Variants in GLIS2 observed in about 807,000 individuals in gnomAD.
GLIS2 encodes zinc finger protein GLIS2.
In GLIS2, 14 loss-of-function variants were observed where a neutral mutation model predicts 35.6. The observed-to-expected ratio is 0.39, with a 90% CI of 0.26 to 0.61. The LOEUF is 0.61. Among genes scored for constraint, GLIS2 ranks in the 20% least tolerant of loss-of-function variants. The pLI is 0.48. For synonymous variants in GLIS2, 368 were observed against 325.1 expected, an observed-to-expected ratio of 1.13 and a Z score of -1.42; for missense variants, 675 against 713.4, an observed-to-expected ratio of 0.95 and a Z score of 0.61.
At position 4,337,417 on chromosome 16, in the gene GLIS2, C is replaced by T. The variant is rs764396667; in HGVS notation, c.1468C>T (p.Leu490=). 1.0e-5 allele frequency: 16 copies of T among 1,587,276 alleles called. No homozygotes were observed. The highest frequency in any genetic ancestry group is 1.3e-5 in the African/African-American group (1 of 74,446). Residue 490 remains leucine, a synonymous_variant, in exon 7 of 7, where the codon CTG becomes TTG. Coordinates refer to ENST00000433375, the MANE Select transcript of GLIS2 (RefSeq NM_032575.3). Reference sequence around the variant, plus strand: ...CCTGCTGCCAGGCACCGTGCTGGACCTGTCCACGGGCGTCAACTCAGCTGC... The same window carrying T: ...CCTGCTGCCAGGCACCGTGCTGGACTTGTCCACGGGCGTCAACTCAGCTGC... ...LPLLPGTVLD[L]STGVNSAASS... is the part of the protein sequence containing the mutation.
At chr16:4,316,299 CGG>C (rs1293109635) in intron 1 of GLIS2, among the ~76,000 whole-genome samples, 45 bp downstream of exon 1, 955 of 53,016 alleles carry the variant, frequency 0.018, 32 homozygotes, top group African/African-American at 0.048. Flanking sequence ...CGGGCCGGGG[CGG>C]GGGGGGGGGG....
intron 1 of GLIS2, among the ~76,000 whole-genome samples, chr16:4,328,673 G>A (rs970467283): frequency 6.6e-6 from 1 of 152,214 alleles, no homozygotes; most frequent in East Asian, 1.9e-4. Context: ...AAGTGTGTGG[G>A]GGTGCCCCTG....
rs764396971 is a variant in GLIS2 at position 4,335,214 on chromosome 16, G to A, written c.656+21G>A. The A allele has an allele frequency of 2.5e-6, 4 of 1,613,622 alleles. No homozygotes were observed. The highest frequency in any genetic ancestry group is 3.4e-6 in the Non-Finnish European group (4 of 1,180,024). On this transcript the variant is annotated intron_variant, in intron 5 of 6. Transcript: ENST00000433375. The surrounding 1 kb of genome is among the most constrained non-coding windows in gnomAD (Gnocchi z 4.6). ...GCCAGGTGAGGTGGGGGAGAGAGGG[G>A]TAGAGGGAGGACTGGGGTCTCCAGT...
intron 1 of GLIS2, among the ~76,000 whole-genome samples, chr16:4,322,694 G>T (rs979622926): frequency 6.6e-6 from 1 of 151,992 alleles, no homozygotes; most frequent in African/African-American, 2.4e-5. Flanking sequence ...ATCTAGCAGG[G>T]CCTGGCGTTG....
In GLIS2 at chr16:4,327,047, C is replaced by T. The variant is rs547343573; in HGVS notation, c.-66-5168C>T. Among the ~76,000 whole-genome samples the T allele has an allele frequency of 3.3e-5, 5 of 152,280 alleles. No individual in the cohort carries two copies. The East Asian group carries it at 9.7e-4, about 29-fold the overall frequency. ...TGCTGGGATTACAGGCATGAGCCAC[C>T]GTGCCCGGCCACCGGCTGATTTTTT... On this transcript the variant is annotated intron_variant, in intron 1 of 6. Coordinates refer to ENST00000433375, the MANE Select transcript of GLIS2 (RefSeq NM_032575.3).
intron 1 of GLIS2, among the ~76,000 whole-genome samples, chr16:4,321,266 C>T (rs1392760295): frequency 1.3e-5 from 2 of 152,170 alleles, no homozygotes; most frequent in African/African-American, 4.8e-5. Context: ...TTGTCCAGCT[C>T]TGTTCCTGGG....
chr16:4,333,677 C>A (rs1468055804), intron 3 of GLIS2, among the ~76,000 whole-genome samples, 158 bp downstream of exon 3: 1 of 152,200 alleles, frequency 6.6e-6, no homozygotes, highest in Non-Finnish European at 1.5e-5. Context: ...GGAGAACCTT[C>A]CCTGCCTCTC....
chr16:4,322,612 G>A (rs1485490485), intron 1 of GLIS2, among the ~76,000 whole-genome samples: 1 of 149,812 alleles, frequency 6.7e-6, no homozygotes, highest in Non-Finnish European at 1.5e-5. Context: ...CCAACCCCCT[G>A]CAGGAGCAGC....
chr16:4,332,214 G>C lies in GLIS2; in HGVS notation c.-66-1G>C, dbSNP rs544086113. The C allele has an allele frequency of 9.6e-6, 15 of 1,568,938 alleles. 1 individual carries two copies. The African/African-American group carries it at 1.8e-4, about 18-fold the overall frequency. On this transcript the variant is annotated splice_acceptor_variant, in intron 1 of 6. Transcript: ENST00000433375. LOFTEE classifies it low-confidence loss of function (5UTR_SPLICE). The surrounding 1 kb of genome is among the most constrained non-coding windows in gnomAD (Gnocchi z 5.4). The stretch of plus-strand genomic sequence containing the variant: ...ACAGCACAGCTCCTGTCCTTCCCCA[G>C]GTTCCTGCGTGAAGACCAGCTGGGA...
At chr16:4,316,541 G>A (rs1012732510) in intron 1 of GLIS2, among the ~76,000 whole-genome samples, 2 of 151,896 alleles carry the variant, frequency 1.3e-5, no homozygotes, top group Non-Finnish European at 2.9e-5. Context: ...CCGGGCCCGG[G>A]GCGGGCGCAA....
rs1417586117 is a variant in GLIS2 at position 4,333,338 on chromosome 16, C to T, written c.173-9C>T. 1.2e-6 allele frequency: 2 copies of T among 1,612,890 alleles called. No individual in the cohort carries two copies. Among genetic ancestry groups the T allele is most frequent in the African/African-American group, 2.7e-5 (2 of 75,054 alleles). ...CTCCAGCACACCCTGAACTGTGCCTCTCCCTCAGGCTTCCTGCTGAACTCC... is the reference window on the plus strand; with the variant it reads ...CTCCAGCACACCCTGAACTGTGCCTTTCCCTCAGGCTTCCTGCTGAACTCC... On this transcript the variant is annotated splice_polypyrimidine_tract_variant and intron_variant, in intron 2 of 6. Coordinates refer to ENST00000433375, the MANE Select transcript of GLIS2 (RefSeq NM_032575.3).
At chr16:4,319,834 G>C (rs2053357899) in intron 1 of GLIS2, among the ~76,000 whole-genome samples, 1 of 152,152 alleles carries the variant, frequency 6.6e-6, no homozygotes, top group Admixed American at 6.5e-5. Context: ...CCCTGGGTGA[G>C]GCTGGGCAGG....
intron 1 of GLIS2, among the ~76,000 whole-genome samples, chr16:4,319,732 G>C (rs1017432677): frequency 6.6e-6 from 1 of 152,080 alleles, no homozygotes; most frequent in Non-Finnish European, 1.5e-5. Context: ...TTGATCCCAG[G>C]GACTGGAGAG....
rs201182025 is a variant in GLIS2, at chr16:4,337,362, C to G, written c.1413C>G (p.Ser471Arg). The change falls in exon 7 of 7, where the codon AGC becomes AGG. Residue 471 changes from serine to arginine, a missense_variant. By Grantham distance (110) the Ser-to-Arg change is moderately radical (BLOSUM62 -1). Around this residue, in one of 3 missense-constraint regions of GLIS2, gnomAD observed 317 missense variants for 283.2 expected, o/e 1.12. Transcript: ENST00000433375. ...CGCCCCTTGAAAGGACGGAGAGCAG[C>G]TGCTCCCGGCCAAGCCCCGATGGAC... is the stretch of plus-strand genomic sequence containing the variant. The part of the protein sequence containing the change: ...HKTPLERTES[S>R]CSRPSPDGLP... 1.9e-4 allele frequency: 308 copies of G among 1,592,968 alleles called. 2 individuals are homozygous for G. In the African/African-American group the frequency reaches 3.8e-3, roughly 19 times the overall value.
rs768107661 is a variant in GLIS2, at chr16:4,332,269, G to T, written c.-12G>T. 6.2e-7 allele frequency: 1 copy of T among 1,611,006 alleles called. No homozygotes were observed. Among genetic ancestry groups the T allele is most frequent in the Non-Finnish European group, 8.5e-7 (1 of 1,179,352 alleles). On this transcript the variant is annotated 5_prime_UTR_variant, in exon 2 of 7. Coordinates refer to ENST00000433375, the MANE Select transcript of GLIS2 (RefSeq NM_032575.3). The surrounding 1 kb of genome is among the most constrained non-coding windows in gnomAD (Gnocchi z 5.4). Reference sequence around the variant, plus strand: ...ACTGCCTGCTGCCACCTCCAACTCCGGCCCCCTCACCATGCACTCCCTGGA... The same window carrying T: ...ACTGCCTGCTGCCACCTCCAACTCCTGCCCCCTCACCATGCACTCCCTGGA...
At chr16:4,323,706 T>C (rs1162025103) in intron 1 of GLIS2, among the ~76,000 whole-genome samples, 1 of 152,202 alleles carries the variant, frequency 6.6e-6, no homozygotes, top group Non-Finnish European at 1.5e-5. Flanking sequence ...GTCTTCCAGC[T>C]TCAGCTCTGC....
At chr16:4,333,571 T>G (rs1278248024) in intron 3 of GLIS2, 52 bp downstream of exon 3, 1 of 1,554,644 alleles carries the variant, frequency 6.4e-7, no homozygotes, top group South Asian at 1.2e-5. Context: ...TTCCTGGGGT[T>G]GCCATGACAA....
chr16:4,328,083 G>A (rs560492589), intron 1 of GLIS2, among the ~76,000 whole-genome samples: 1 of 152,334 alleles, frequency 6.6e-6, no homozygotes, highest in South Asian at 2.1e-4. Flanking sequence ...TGGGGCCGGC[G>A]GGCCTTGCGC....
At chr16:4,336,098 T>TGGC (rs2053548191) in intron 6 of GLIS2, 1 of 189,490 alleles carries the variant, frequency 5.3e-6, no homozygotes, top group Non-Finnish European at 1.1e-5. Flanking sequence ...GCACTCCCTG[T>TGGC]GGCCAGGCCC....
Sources: gnomAD v4.1 joint callset for allele counts (sites outside exome capture counted in the v4.1 genomes callset) on GRCh38, gnomAD v4.1.1 for gene constraint, gnomAD v4.1.1 regional missense constraint, Gnocchi (gnomAD v3.1) non-coding constraint, MANE v1.5 for transcripts, NCBI Gene and HGNC (gene_info 2026-07-23, HGNC 2026-07-21) for gene names.